CCDC80: variants seen among roughly 807,000 people sequenced by gnomAD.
CCDC80 encodes the protein coiled-coil domain containing 80.
In CCDC80, 49 loss-of-function variants were observed where a neutral mutation model predicts 78.7. The observed-to-expected ratio is 0.62, with a 90% CI of 0.50 to 0.79. CCDC80 has a LOEUF of 0.79. Ranked by LOEUF, CCDC80 falls within the 30% of genes least tolerant of loss-of-function variation. The probability of loss-of-function intolerance (pLI) is 0.00; values close to 1 mark genes in which losing one functional copy is unlikely to be tolerated. For synonymous variants in CCDC80, 488 were observed against 447.0 expected, an observed-to-expected ratio of 1.09 and a Z score of -1.16; for missense variants, 1,205 against 1,198.6, an observed-to-expected ratio of 1.01 and a Z score of -0.08.
chr3:112,626,186 C>A (rs1401937074), intron 3 of CCDC80, among the ~76,000 whole-genome samples: 8 of 152,172 alleles, frequency 5.3e-5, no homozygotes, highest in Non-Finnish European at 8.8e-5. Flanking sequence ...GGTTAGGAGA[C>A]AGGCTCTCTA....
intron 2 of CCDC80, among the ~76,000 whole-genome samples, chr3:112,635,015 C>T (rs555418468): frequency 9.2e-5 from 14 of 152,268 alleles, no homozygotes; most frequent in Admixed American, 6.5e-5. Flanking sequence ...TGCCCTTCTT[C>T]GTCAACAGGT....
chr3:112,618,245 G>T (rs999646093), intron 4 of CCDC80, among the ~76,000 whole-genome samples: 5 of 152,196 alleles, frequency 3.3e-5, no homozygotes, highest in Non-Finnish European at 5.9e-5. Context: ...TTTTGGCAGG[G>T]CGTGGTGGCT....
chr3:112,638,212 C>G lies in CCDC80; in HGVS notation c.1694G>C (p.Ser565Thr), dbSNP rs1055570649. ...CTCAGACTTCTTCATTTGCTTTTCACTCTTAAGTAACTTGTCTGCGTTCTC... is the reference window on the plus strand; with the variant it reads ...CTCAGACTTCTTCATTTGCTTTTCAGTCTTAAGTAACTTGTCTGCGTTCTC... ...KNENADKLLK[S>T]EKQMKKSEKK... is the part of the protein sequence containing the mutation. The change falls in exon 2 of 8, where the codon AGT becomes ACT. Residue 565 changes from serine (S) to threonine (T), a missense_variant. Transcript: ENST00000206423. 1.9e-6 allele frequency: 3 copies of G among 1,612,984 alleles called. No individual in the cohort carries two copies. Among genetic ancestry groups the G allele is most frequent in the African/African-American group, 1.3e-5 (1 of 74,804 alleles).
chr3:112,637,163 G>T (rs1379694592), intron 2 of CCDC80, among the ~76,000 whole-genome samples: 1 of 152,184 alleles, frequency 6.6e-6, no homozygotes. Context: ...CCAAGGGCAA[G>T]TAGGGACAGC....
At position 112,638,067 on chromosome 3, in the gene CCDC80, G is replaced by C. The variant is rs142765055; in HGVS notation, c.1839C>G (p.Ala613=). 5.8e-5 allele frequency: 93 copies of C among 1,609,418 alleles called. 1 individual carries two copies. In the African/African-American group the frequency reaches 9.8e-4, roughly 17 times the overall value. ...HFTQSPKKSV[A]DLLGSFEGKR... is the part of the protein sequence containing the mutation. ...TGCCTTCAAAGGACCCCAGCAGGTC[G>C]GCCACTGACTTCTTGGGACTCTGCG... Residue 613 remains alanine, a synonymous_variant, in exon 2 of 8, where the codon GCC becomes GCG. Coordinates refer to ENST00000206423, the MANE Select transcript of CCDC80 (RefSeq NM_199511.3).
chr3:112,613,587 T>C (rs911119306), intron 5 of CCDC80, among the ~76,000 whole-genome samples: 2 of 152,172 alleles, frequency 1.3e-5, no homozygotes, highest in Non-Finnish European at 2.9e-5. Flanking sequence ...CAGCTTTCCC[T>C]TTCAAATTTT....
At chr3:112,611,165 G>A (rs1192329740) in intron 5 of CCDC80, among the ~76,000 whole-genome samples, 1 of 151,916 alleles carries the variant, frequency 6.6e-6, no homozygotes, top group Non-Finnish European at 1.5e-5. Flanking sequence ...TGCCCTCCTC[G>A]GCCTCCCAAA....
chr3:112,621,979 C>T (rs1346332776), intron 3 of CCDC80, among the ~76,000 whole-genome samples: 4 of 152,208 alleles, frequency 2.6e-5, no homozygotes, highest in African/African-American at 9.6e-5. Context: ...AACTCAGAGT[C>T]TCAGACTCTG....
Position 112,605,548 on chromosome 3 carries a change from A to T in CCDC80, c.2722T>A (p.Ser908Thr). The T allele has an allele frequency of 6.2e-7, 1 of 1,614,196 alleles. No homozygotes were observed. The highest frequency in any genetic ancestry group is 1.1e-5 in the South Asian group (1 of 91,084). Residue 908 changes from serine (S) to threonine (T), a missense_variant, in exon 8 of 8, where the codon TCA (serine) becomes ACA (threonine). Transcript: ENST00000206423. The part of the protein sequence containing the change: ...LRRQEMAIQQ[S>T]LGMRCPEDEY... ...TCTTCTGGGCAGCGCATCCCCAGTG[A>T]CTGCTGAATCGCCATTTCCTGTCTC...
In CCDC80 at chr3:112,605,629, A is replaced by C; in HGVS notation, c.2641T>G (p.Ser881Ala). ...KDGNVKSWYPSPMWSMVIVYD... is the reference protein window; with the variant it reads ...KDGNVKSWYPAPMWSMVIVYD... ...ACAATCACCATGGACCACATTGGGG[A>C]AGGATACCAGGATTTGACATTTCCG... The change falls in exon 8 of 8, where the codon TCC (serine) becomes GCC (alanine). Residue 881 changes from serine to alanine, a missense_variant. Ser to Ala is a moderately conservative substitution (Grantham distance 99). Coordinates refer to ENST00000206423, the MANE Select transcript of CCDC80 (RefSeq NM_199511.3). The C allele has an allele frequency of 6.2e-7, 1 of 1,614,224 alleles. No homozygotes were observed.
intron 2 of CCDC80, 55 bp downstream of exon 2, chr3:112,637,973 C>T (rs1014087719): frequency 6.5e-6 from 10 of 1,542,226 alleles, no homozygotes; most frequent in South Asian, 3.9e-5. Flanking sequence ...ACAAGACAGA[C>T]GTTAACATGC....
chr3:112,616,960 T>A (rs891505305), intron 4 of CCDC80, 102 bp from the exon 5 acceptor site: 1 of 1,182,262 alleles, frequency 8.5e-7, no homozygotes, highest in African/African-American at 1.5e-5. Flanking sequence ...TCTGGGGAAA[T>A]CTTTGAAATC....
At chr3:112,615,261 C>T (rs1159944716) in intron 5 of CCDC80, among the ~76,000 whole-genome samples, 1 of 152,146 alleles carries the variant, frequency 6.6e-6, no homozygotes, top group Non-Finnish European at 1.5e-5. Flanking sequence ...TAATCATATC[C>T]TTCTTAATGC....
Position 112,638,411 on chromosome 3 carries a change from C to G in CCDC80, c.1495G>C (p.Asp499His). 6.2e-7 allele frequency: 1 copy of G among 1,613,956 alleles called. No individual in the cohort carries two copies. The highest frequency in any genetic ancestry group is 8.5e-7 in the Non-Finnish European group (1 of 1,179,998). Residue 499 changes from aspartate to histidine, a missense_variant, in exon 2 of 8, where the codon GAC becomes CAC. Coordinates refer to ENST00000206423, the MANE Select transcript of CCDC80 (RefSeq NM_199511.3). ...KEKPPKKKAQ[D>H]KILSNEYEEK... Reference sequence around the variant, plus strand: ...TCATACTCATTACTAAGAATTTTGTCCTGGGCCTTCTTTTTGGGAGGTTTC... The same window carrying G: ...TCATACTCATTACTAAGAATTTTGTGCTGGGCCTTCTTTTTGGGAGGTTTC...
In CCDC80 at chr3:112,639,457, C is replaced by G; in HGVS notation, c.449G>C (p.Arg150Thr). 6.2e-7 allele frequency: 1 copy of G among 1,614,218 alleles called. No individual in the cohort carries two copies. The highest frequency in any genetic ancestry group is 1.1e-5 in the South Asian group (1 of 91,082). ...ATGAGGGGCTGAGATGACCCATACT[C>G]TGTTCTTCCCTGCAAAGCTGGCAAG... Reference protein sequence around the residue: ...NILASFAGKNRVWVISAPHAS... With the variant: ...NILASFAGKNTVWVISAPHAS... Residue 150 changes from arginine (R) to threonine (T), a missense_variant, in exon 2 of 8, where the codon AGA becomes ACA. Coordinates refer to ENST00000206423, the MANE Select transcript of CCDC80 (RefSeq NM_199511.3).
intron 6 of CCDC80, among the ~76,000 whole-genome samples, chr3:112,607,502 C>T (rs1181805537): frequency 6.6e-6 from 1 of 152,100 alleles, no homozygotes; most frequent in Admixed American, 6.6e-5. Flanking sequence ...AAAGATGAAG[C>T]CATGCTGGGC....
rs754726058 is a variant in CCDC80, at chr3:112,605,525, T to A, written c.2745A>T (p.Glu915Asp). The A allele has an allele frequency of 2.5e-6, 4 of 1,614,226 alleles. No homozygotes were observed. Among genetic ancestry groups the A allele is most frequent in the South Asian group, 2.2e-5 (2 of 91,082 alleles). The change falls in exon 8 of 8, where the codon GAA becomes GAT. Residue 915 changes from glutamate to aspartate, a missense_variant. Glu to Asp is a conservative substitution (Grantham distance 45). Transcript: ENST00000206423. ...IQQSLGMRCP[E>D]DEYAGYGYHS... ...GGTAACCATAGCCTGCATACTCATC[T>A]TCTGGGCAGCGCATCCCCAGTGACT...
rs528329891 is a variant in CCDC80, at chr3:112,597,759, A to G, written c.*7658T>C. ...AGCAATGTTATAATTGCATCCTCCT[A>G]AAGACTACATAACCATCATCACTCA... On this transcript the variant is annotated 3_prime_UTR_variant, in exon 8 of 8. Coordinates refer to ENST00000206423, the MANE Select transcript of CCDC80 (RefSeq NM_199511.3). 2.6e-5 allele frequency: 4 copies of G among 152,254 alleles called. No homozygotes were observed. Among genetic ancestry groups the G allele is most frequent in the African/African-American group, 9.6e-5 (4 of 41,538 alleles). The allele number at this position is 152,254 out of a possible 1,614,324, so 9.4% of individuals were successfully genotyped here.
intron 2 of CCDC80, among the ~76,000 whole-genome samples, chr3:112,633,391 T>C (rs941946499): frequency 6.6e-6 from 1 of 152,194 alleles, no homozygotes; most frequent in Non-Finnish European, 1.5e-5. Flanking sequence ...CAGGGATCAC[T>C]TCCTCCTTTT....
Sources: allele counts gnomAD v4.1 joint callset (sites outside exome capture counted in the v4.1 genomes callset), GRCh38; gene constraint gnomAD v4.1.1; transcripts MANE v1.5; gene names NCBI Gene and HGNC (gene_info 2026-07-23, HGNC 2026-07-21).